The following CAMTA1 variants were observed in gnomAD, a reference collection of about 807,000 sequenced individuals.
CAMTA1 encodes the protein calmodulin-binding transcription activator 1.
In CAMTA1, 27 loss-of-function variants were observed where a neutral mutation model predicts 170.9. The observed-to-expected ratio is 0.16, with a 90% CI of 0.12 to 0.22. The LOEUF is 0.22. Ranked by LOEUF, CAMTA1 falls within the 10% of genes least tolerant of loss-of-function variation. CAMTA1 has a pLI of 1.00. For synonymous variants in CAMTA1, 833 were observed against 891.5 expected (o/e 0.93, Z 1.17); for missense variants, 1,619 against 2,217.2 (o/e 0.73, Z 5.42).
At chr1:6,952,962 A>G (rs1053518797) in intron 3 of CAMTA1, among the ~76,000 whole-genome samples, 1 of 152,198 alleles carries the variant, frequency 6.6e-6, no homozygotes. Flanking sequence ...CGTGGTGGAC[A>G]CTGGGTTCTG....
intron 4 of CAMTA1, among the ~76,000 whole-genome samples, chr1:7,171,062 T>A (rs1030948718): frequency 2.0e-5 from 3 of 152,222 alleles, no homozygotes; most frequent in Admixed American, 1.3e-4. Flanking sequence ...AAATCTCCCC[T>A]TTTAATGGTG....
chr1:7,159,060 CT>C (rs1647054722), intron 4 of CAMTA1, among the ~76,000 whole-genome samples: 2 of 151,512 alleles, frequency 1.3e-5, no homozygotes, highest in South Asian at 4.2e-4. Flanking sequence ...GTGTTACGTA[CT>C]ATTTTTTTTT....
intron 4 of CAMTA1, among the ~76,000 whole-genome samples, chr1:7,242,830 C>T (rs1210869416): frequency 3.3e-5 from 5 of 151,474 alleles, no homozygotes; most frequent in East Asian, 1.9e-4. Flanking sequence ...GGCATGGTGG[C>T]GGGCGCCTAT....
rs752843723 is a variant in CAMTA1, at chr1:7,499,033, TAG to T, written c.510+31137_510+31138del. On this transcript the variant is annotated intron_variant, in intron 6 of 22. Coordinates refer to ENST00000303635, the MANE Select transcript of CAMTA1 (RefSeq NM_015215.4). ...GCATGTGTGTCCATGAGTGAGTGTG[TAG>T]AGAGGATTGTGTGAGCCTGGTGTGC... 6.0e-4 allele frequency among the ~76,000 whole-genome samples: 73 copies of T among 121,266 alleles called. 1 individual carries two copies. The highest frequency in any genetic ancestry group is 3.8e-3 in the East Asian group (14 of 3,664). 79.6% of individuals were successfully genotyped at this position (121,266 alleles called of 152,430 possible). A position where few individuals can be genotyped will look rare whatever the true frequency, so the allele number is the denominator to read the frequency against.
intron 5 of CAMTA1, among the ~76,000 whole-genome samples, chr1:7,323,492 A>G (rs1355215693): frequency 9.2e-6 from 1 of 109,102 alleles, no homozygotes; most frequent in African/African-American, 3.3e-5. Context: ...GGATGATTCT[A>G]TTTCCTTTAT....
intron 6 of CAMTA1, among the ~76,000 whole-genome samples, chr1:7,516,569 A>G (rs2094289668): frequency 2.0e-5 from 3 of 152,202 alleles, no homozygotes; most frequent in Admixed American, 1.3e-4. Flanking sequence ...TGGCTCCTTG[A>G]GGTTCCTTCC....
chr1:6,787,747 C>A (rs1370366588), intron 1 of CAMTA1, among the ~76,000 whole-genome samples: 2 of 152,206 alleles, frequency 1.3e-5, no homozygotes, highest in East Asian at 3.8e-4. Flanking sequence ...TTCACCAAGT[C>A]CCTGAATGTG....
rs535132411 is a variant in CAMTA1 at position 7,528,441 on chromosome 1, A to C, written c.510+60540A>C. ...AATATTTTGGTTTTTTAAAAAAAAA[A>C]AATCTTTCTAAAGATAAATACAACT... On this transcript the variant is annotated intron_variant, in intron 6 of 22. Transcript: ENST00000303635. Among the ~76,000 whole-genome samples, 137 of 152,224 alleles carry C rather than the reference A, an allele frequency of 9.0e-4. 1 individual carries two copies. Among genetic ancestry groups the C allele is most frequent in the Non-Finnish European group, 1.5e-3 (104 of 68,048 alleles).
At chr1:7,140,863 A>T (rs889606373) in intron 4 of CAMTA1, among the ~76,000 whole-genome samples, 2 of 152,094 alleles carry the variant, frequency 1.3e-5, no homozygotes, top group African/African-American at 2.4e-5. Flanking sequence ...CCAGCTGTAA[A>T]ATTATCTGCT....
chr1:7,480,831 A>G (rs1270681158), intron 6 of CAMTA1, among the ~76,000 whole-genome samples: 2 of 151,984 alleles, frequency 1.3e-5, no homozygotes, highest in Non-Finnish European at 2.9e-5. Context: ...TCCCACGTTC[A>G]TATCTATGTC....
intron 4 of CAMTA1, among the ~76,000 whole-genome samples, chr1:7,177,874 C>T (rs75657989): frequency 0.014 from 2,035 of 150,260 alleles, 47 homozygotes; most frequent in African/African-American, 0.047. Context: ...CCACACACTG[C>T]GCCTCCTCCC....
At chr1:6,982,646 G>A (rs1004953191) in intron 3 of CAMTA1, among the ~76,000 whole-genome samples, 1 of 146,460 alleles carries the variant, frequency 6.8e-6, no homozygotes, top group African/African-American at 2.8e-5. Flanking sequence ...AGGCAGCATG[G>A]CCCCGGGTTC....
At chr1:7,676,686 G>A (rs1358107815) in intron 10 of CAMTA1, among the ~76,000 whole-genome samples, 2 of 152,320 alleles carry the variant, frequency 1.3e-5, no homozygotes, top group South Asian at 2.1e-4. Context: ...GGAAAAGCAG[G>A]GCAGAAGGCA....
intron 1 of CAMTA1, among the ~76,000 whole-genome samples, chr1:6,802,366 A>G (rs940861789): frequency 6.6e-6 from 1 of 152,094 alleles, no homozygotes; most frequent in Middle Eastern, 3.2e-3. Flanking sequence ...CCTCTCAGCC[A>G]TTTGCTTTGT....
At chr1:7,520,898 CCAGA>C (rs148273891) in intron 6 of CAMTA1, among the ~76,000 whole-genome samples, 4 of 103,040 alleles carry the variant, frequency 3.9e-5, no homozygotes, top group Admixed American at 1.1e-4. Context: ...AAAATCCCCT[CCAGA>C]CAGACAGTCA....
Position 7,093,879 on chromosome 1 carries a change from T to C in CAMTA1, c.302+2508T>C, listed in dbSNP as rs942219677. Among the ~76,000 whole-genome samples the C allele has an allele frequency of 6.6e-6, 1 of 152,224 alleles. No individual in the cohort carries two copies. The highest frequency in any genetic ancestry group is 2.4e-5 in the African/African-American group (1 of 41,466). On this transcript the variant is annotated intron_variant, in intron 4 of 22. Transcript: ENST00000303635. The surrounding 1 kb of genome is among the most constrained non-coding windows in gnomAD (Gnocchi z 4.6). ...CTCCTTTAAAAGCCCTGGTTTTTCT[T>C]CTTCATATAGAAAATGGAGTTGCTG...
At chr1:7,208,315 A>G (rs1389947017) in intron 4 of CAMTA1, among the ~76,000 whole-genome samples, 1 of 152,264 alleles carries the variant, frequency 6.6e-6, no homozygotes, top group African/African-American at 2.4e-5. Context: ...GTAAACACAT[A>G]CTACATACTT....
chr1:7,045,729 T>C (rs1705278394), intron 3 of CAMTA1, among the ~76,000 whole-genome samples: 1 of 152,184 alleles, frequency 6.6e-6, no homozygotes, highest in Non-Finnish European at 1.5e-5. Context: ...ATGAGTAGAT[T>C]TTAAAAGTCT....
intron 1 of CAMTA1, among the ~76,000 whole-genome samples, chr1:6,811,719 G>A (rs541447551): frequency 2.0e-5 from 3 of 152,214 alleles, no homozygotes; most frequent in Admixed American, 6.5e-5. Flanking sequence ...CATGGACTTC[G>A]TAAAATTCAC....
Sources: gnomAD v4.1 joint callset for allele counts (sites outside exome capture counted in the v4.1 genomes callset) on GRCh38, gnomAD v4.1.1 for gene constraint, Gnocchi (gnomAD v3.1) non-coding constraint, MANE v1.5 for transcripts, NCBI Gene and HGNC (gene_info 2026-07-23, HGNC 2026-07-21) for gene names.